Variants in DAB1 observed in about 807,000 individuals in gnomAD.
The protein encoded by DAB1 is disabled homolog 1.
DAB1 carries 15 observed loss-of-function variants against 64.6 expected under a neutral mutation model. That is an observed-to-expected ratio of 0.23 (90% confidence interval 0.16 to 0.36). The LOEUF (loss-of-function observed/expected upper bound fraction) is 0.36, where lower values mean the gene tolerates loss of function less well. Among genes scored for constraint, DAB1 ranks in the 10% least tolerant of loss-of-function variants. The pLI, the probability that DAB1 is intolerant of heterozygous loss-of-function variation, is 1.00. For missense variants in DAB1, 596 were observed against 706.7 expected (o/e 0.84, Z 1.78); for synonymous variants, 235 against 251.9 (o/e 0.93, Z 0.64).
intron 1 of DAB1, among the ~76,000 whole-genome samples, chr1:57,398,471 G>A (rs1216589026): frequency 6.6e-6 from 1 of 152,176 alleles, no homozygotes; most frequent in Non-Finnish European, 1.5e-5. Context: ...AATGATGCCA[G>A]AGACTTAATT....
intron 1 of DAB1, among the ~76,000 whole-genome samples, chr1:57,384,725 G>C (rs1358426613): frequency 6.6e-6 from 1 of 152,166 alleles, no homozygotes; most frequent in Non-Finnish European, 1.5e-5. Flanking sequence ...CCAGGAACTG[G>C]GAGGTGGAGG....
At chr1:57,191,608 A>C (rs1328335953) in intron 2 of DAB1, among the ~76,000 whole-genome samples, 1 of 152,132 alleles carries the variant, frequency 6.6e-6, no homozygotes. Context: ...TCTACAACTC[A>C]TCCTTCAATG....
chr1:57,306,933 G>C (rs1674231304), intron 1 of DAB1: 1 of 152,108 alleles, frequency 6.6e-6, no homozygotes, highest in South Asian at 2.1e-4. Context: ...TTCTCTGCAG[G>C]GTAGCAAAGG....
At chr1:58,275,556 T>C (rs1377075800) in intron 4 of DAB1, among the ~76,000 whole-genome samples, 2 of 152,130 alleles carry the variant, frequency 1.3e-5, no homozygotes, top group African/African-American at 4.8e-5. Flanking sequence ...AATAAAAATA[T>C]GTAAAGATAC....
chr1:57,736,496 G>A (rs1647698927), intron 6 of DAB1, among the ~76,000 whole-genome samples: 1 of 152,190 alleles, frequency 6.6e-6, no homozygotes, highest in African/African-American at 2.4e-5. Flanking sequence ...ACTAAGTCTA[G>A]GCTCAGGTAC....
intron 2 of DAB1, among the ~76,000 whole-genome samples, chr1:57,281,024 C>T (rs1329960691): frequency 6.6e-6 from 1 of 152,116 alleles, no homozygotes; most frequent in East Asian, 1.9e-4. Flanking sequence ...CTGTGAGACT[C>T]CTTAGAATCC....
At chr1:57,463,877 C>G (rs1686870213) in intron 7 of DAB1, among the ~76,000 whole-genome samples, 1 of 152,124 alleles carries the variant, frequency 6.6e-6, no homozygotes, top group Non-Finnish European at 1.5e-5. Context: ...CTACAAAGAG[C>G]TGATAATTTG....
chr1:58,506,557 C>T (rs927210133), intron 2 of DAB1, among the ~76,000 whole-genome samples: 2 of 152,148 alleles, frequency 1.3e-5, no homozygotes, highest in Non-Finnish European at 2.9e-5. Flanking sequence ...AATGCCTGCC[C>T]TTCCCATATA....
intron 4 of DAB1, among the ~76,000 whole-genome samples, chr1:58,294,148 C>CA (rs1164566539): frequency 6.6e-6 from 1 of 152,046 alleles, no homozygotes; most frequent in Non-Finnish European, 1.5e-5. Flanking sequence ...CTAATCTACC[C>CA]AATTCCACCA....
intron 4 of DAB1, among the ~76,000 whole-genome samples, chr1:58,306,841 A>G (rs1029098911): frequency 2.0e-5 from 3 of 152,160 alleles, no homozygotes; most frequent in Non-Finnish European, 4.4e-5. Flanking sequence ...ACTTTTTTAC[A>G]TACTCCTCCC....
chr1:57,845,705 C>T (rs769327456), intron 1 of DAB1, among the ~76,000 whole-genome samples: 50 of 152,150 alleles, frequency 3.3e-4, no homozygotes, highest in Non-Finnish European at 3.4e-4. Context: ...AAAGGTCATT[C>T]TCTCTTCTCT....
intron 5 of DAB1, among the ~76,000 whole-genome samples, chr1:58,031,597 A>G (rs1646971277): frequency 6.6e-6 from 1 of 152,160 alleles, no homozygotes; most frequent in Non-Finnish European, 1.5e-5. Context: ...CAACTATTAC[A>G]CAAATGCTTA....
At chr1:57,749,251 A>AAAG (rs1648440077) in intron 6 of DAB1, among the ~76,000 whole-genome samples, 1 of 152,232 alleles carries the variant, frequency 6.6e-6, no homozygotes, top group Non-Finnish European at 1.5e-5. Flanking sequence ...ACAGCCAGTG[A>AAAG]AACTAAGGCT....
intron 9 of DAB1, among the ~76,000 whole-genome samples, chr1:57,040,048 A>G (rs2100471869): frequency 6.6e-6 from 1 of 152,340 alleles, no homozygotes; most frequent in East Asian, 1.9e-4. Flanking sequence ...AAGAAATTAT[A>G]CAGTTGGTGT....
At chr1:58,354,374 G>A (rs1026832410) in intron 3 of DAB1, among the ~76,000 whole-genome samples, 20 of 152,082 alleles carry the variant, frequency 1.3e-4, no homozygotes, top group African/African-American at 3.6e-4. Flanking sequence ...CCCATCAAGG[G>A]AACCAGTGTA....
chr1:57,768,082 T>A (rs1328076544), intron 6 of DAB1, among the ~76,000 whole-genome samples: 1 of 145,640 alleles, frequency 6.9e-6, no homozygotes, highest in African/African-American at 2.6e-5. Flanking sequence ...GAGGCTGAAG[T>A]AGGAGAATTG....
intron 6 of DAB1, among the ~76,000 whole-genome samples, chr1:57,710,703 C>A (rs1647018297): frequency 6.6e-6 from 1 of 151,648 alleles, no homozygotes; most frequent in Admixed American, 6.6e-5. Flanking sequence ...CCCTTTATTT[C>A]TTGTGCACTC....
intron 5 of DAB1, among the ~76,000 whole-genome samples, chr1:57,990,893 C>G (rs1365272944): frequency 6.6e-5 from 10 of 152,124 alleles, no homozygotes; most frequent in Admixed American, 5.9e-4. Flanking sequence ...AGATAGGTAC[C>G]CAGGCCTCAC....
intron 1 of DAB1, among the ~76,000 whole-genome samples, chr1:57,310,160 G>C (rs941287596): frequency 2.6e-5 from 4 of 152,172 alleles, no homozygotes; most frequent in Non-Finnish European, 5.9e-5. Flanking sequence ...TCAGGTATTG[G>C]TAAGTGTTAT....
Sources: gnomAD v4.1 joint callset for allele counts (sites outside exome capture counted in the v4.1 genomes callset) on GRCh38, gnomAD v4.1.1 for gene constraint, MANE v1.5 for transcripts, NCBI Gene and HGNC (gene_info 2026-07-23, HGNC 2026-07-21) for gene names.